Variants in SPIRE2 observed in about 807,000 individuals in gnomAD.
SPIRE2 encodes protein spire homolog 2.
Under a neutral mutation model 80.7 loss-of-function variants are expected in SPIRE2, and 76 were observed. The observed-to-expected ratio is 0.94, with a 90% CI of 0.78 to 1.14. SPIRE2 has a LOEUF of 1.14. Ranked by LOEUF, SPIRE2 falls within the 50% of genes most tolerant of loss-of-function variation. SPIRE2 has a pLI of 0.00. For missense variants in SPIRE2, 1,196 were observed against 1,015.3 expected, an observed-to-expected ratio of 1.18 and a Z score of -2.42; for synonymous variants, 535 against 432.6, an observed-to-expected ratio of 1.24 and a Z score of -2.94.
At chr16:89,839,373 C>CA (rs537824236) in intron 1 of SPIRE2, among the ~76,000 whole-genome samples, 82,390 of 123,310 alleles carry the variant, frequency 0.67, 28,352 homozygotes, top group East Asian at 0.98. Flanking sequence ...GACTCCATCT[C>CA]AAAAAAAAAA....
intron 9 of SPIRE2, among the ~76,000 whole-genome samples, chr16:89,860,421 CCTAA>C (rs1239214106): frequency 2.6e-5 from 4 of 152,026 alleles, no homozygotes; most frequent in African/African-American, 2.4e-5. Flanking sequence ...ACGATGCCTG[CCTAA>C]CTTTTATATT....
chr16:89,854,171 T>C, intron 3 of SPIRE2, 115 bp from the exon 4 acceptor site: 1 of 966,284 alleles, frequency 1.0e-6, no homozygotes, highest in South Asian at 1.6e-5. Flanking sequence ...GCTGTCTCTT[T>C]TCCGGCTGGT....
chr16:89,852,988 G>A (rs562417237), intron 3 of SPIRE2, among the ~76,000 whole-genome samples: 20 of 130,184 alleles, frequency 1.5e-4, no homozygotes, highest in Non-Finnish European at 2.3e-4. Context: ...CCCATGGCCC[G>A]TCTTCCATCC....
At chr16:89,846,051 C>G (rs1486210190) in intron 2 of SPIRE2, 1 of 168,292 alleles carries the variant, frequency 5.9e-6, no homozygotes, top group East Asian at 1.8e-4. Flanking sequence ...TGCCCGCCAC[C>G]ACGCCCGGCT....
At chr16:89,868,528 T>C (rs2041809126) in intron 13 of SPIRE2, among the ~76,000 whole-genome samples, 1 of 152,314 alleles carries the variant, frequency 6.6e-6, no homozygotes, top group African/African-American at 2.4e-5. Context: ...TTGAGGTGTG[T>C]GCTTATGTGC....
At chr16:89,857,463 G>A (rs929137515) in intron 7 of SPIRE2, among the ~76,000 whole-genome samples, 4 of 151,604 alleles carry the variant, frequency 2.6e-5, no homozygotes, top group Non-Finnish European at 5.9e-5. Context: ...CTATTGTCCT[G>A]GTCTTCACCT....
chr16:89,865,907 G>A (rs2041785027), intron 12 of SPIRE2, among the ~76,000 whole-genome samples: 1 of 146,296 alleles, frequency 6.8e-6, no homozygotes, highest in African/African-American at 2.6e-5. Context: ...GGTGGAGGGT[G>A]CAGTGAGCCG....
In SPIRE2 at chr16:89,855,656, C is replaced by CT. The variant is rs771172517; in HGVS notation, c.951dup (p.Ile318TyrfsTer12). ...AGGACGCTCACGAGCTCATCCTGGA[C>CT]TTTATCCGCTCACGGCCTCCACTGA... is the stretch of plus-strand genomic sequence containing the variant. On this transcript the variant is annotated frameshift_variant, in exon 6 of 15. Transcript: ENST00000378247. LOFTEE classifies it high-confidence loss of function. The CT allele has an allele frequency of 1.2e-6, 2 of 1,612,830 alleles. No individual in the cohort carries two copies. The highest frequency in any genetic ancestry group is 8.5e-7 in the Non-Finnish European group (1 of 1,179,930).
At position 89,845,310 on chromosome 16, in the gene SPIRE2, C is replaced by T; in HGVS notation, c.245-12C>T. 6 of 1,606,660 alleles carry T rather than the reference C, an allele frequency of 3.7e-6. No individual in the cohort carries two copies. The highest frequency in any genetic ancestry group is 5.1e-6 in the Non-Finnish European group (6 of 1,172,934). On this transcript the variant is annotated splice_polypyrimidine_tract_variant and intron_variant, in intron 1 of 14. Coordinates refer to ENST00000378247, the MANE Select transcript of SPIRE2 (RefSeq NM_032451.2). Reference sequence around the variant, plus strand: ...ATGCTGACAAATAACTTAACTCCCTCTTCTCTTACAGAACCTGCAACCATG... The same window carrying T: ...ATGCTGACAAATAACTTAACTCCCTTTTCTCTTACAGAACCTGCAACCATG...
intron 3 of SPIRE2, among the ~76,000 whole-genome samples, chr16:89,853,499 C>G (rs1343042605): frequency 6.6e-6 from 1 of 152,186 alleles, no homozygotes; most frequent in Non-Finnish European, 1.5e-5. Flanking sequence ...GTGCCACCCT[C>G]TGTGCCCTTT....
Position 89,855,617 on chromosome 16 carries a change from G to GC in SPIRE2, c.913dup (p.Arg305ProfsTer25). 1.2e-6 allele frequency: 2 copies of GC among 1,612,576 alleles called. No individual in the cohort carries two copies. The highest frequency in any genetic ancestry group is 2.2e-5 in the East Asian group (1 of 44,874). On this transcript the variant is annotated frameshift_variant, in exon 6 of 15. Transcript: ENST00000378247. LOFTEE classifies it high-confidence loss of function. ...CCCCGCAGGTGGATGGGGACATCCCGCCCCGGGTGAAGAAGGACGCTCACG... is the reference window on the plus strand; with the variant it reads ...CCCCGCAGGTGGATGGGGACATCCCGCCCCCGGGTGAAGAAGGACGCTCACG...
chr16:89,841,142 C>A (rs2041502236), intron 1 of SPIRE2, among the ~76,000 whole-genome samples: 1 of 151,496 alleles, frequency 6.6e-6, no homozygotes, highest in African/African-American at 2.4e-5. Context: ...CATGATTACA[C>A]CACTGCACTC....
At chr16:89,839,549 T>C (rs1265847385) in intron 1 of SPIRE2, among the ~76,000 whole-genome samples, 1 of 152,130 alleles carries the variant, frequency 6.6e-6, no homozygotes, top group Non-Finnish European at 1.5e-5. Flanking sequence ...TGCGTCCCCC[T>C]GTCTGCCCTG....
chr16:89,847,950 G>A (rs1052176752), intron 2 of SPIRE2, among the ~76,000 whole-genome samples: 5 of 152,302 alleles, frequency 3.3e-5, no homozygotes, highest in South Asian at 2.1e-4. Context: ...GCTGTGGACC[G>A]TGTGGGGGTT....
rs1322426008 is a variant in SPIRE2 at position 89,859,256 on chromosome 16, C to G, written c.1364C>G (p.Ser455Cys). The G allele has an allele frequency of 6.2e-7, 1 of 1,608,440 alleles. No homozygotes were observed. Among genetic ancestry groups the G allele is most frequent in the Non-Finnish European group, 8.5e-7 (1 of 1,178,728 alleles). Reference sequence around the variant, plus strand: ...GCCCAGCTCCGAAGTGAGGTGGCCTCTGGCCTGCAGTCGGCCACCCACCCC... The same window carrying G: ...GCCCAGCTCCGAAGTGAGGTGGCCTGTGGCCTGCAGTCGGCCACCCACCCC... The part of the protein sequence containing the change: ...DLAQLRSEVA[S>C]GLQSATHPPG... Residue 455 changes from serine to cysteine, a missense_variant, in exon 9 of 15, where the codon TCT becomes TGT. Ser to Cys is a moderately radical substitution (Grantham distance 112). Coordinates refer to ENST00000378247, the MANE Select transcript of SPIRE2 (RefSeq NM_032451.2).
rs777907642 is a variant in SPIRE2 at position 89,856,127 on chromosome 16, G to C, written c.993G>C (p.Arg331=). ...CCCCACCGCAGGTCTCTGAGAGGCGGCTGCGCCCGTTGCCACCAAAGCAAA... is the reference window on the plus strand; with the variant it reads ...CCCCACCGCAGGTCTCTGAGAGGCGCCTGCGCCCGTTGCCACCAAAGCAAA... ...RPPLKQVSER[R]LRPLPPKQRS... The change falls in exon 7 of 15, where the codon CGG becomes CGC. Residue 331 remains arginine (R), a synonymous_variant. Coordinates refer to ENST00000378247, the MANE Select transcript of SPIRE2 (RefSeq NM_032451.2). 6.8e-6 allele frequency: 11 copies of C among 1,611,728 alleles called. No individual in the cohort carries two copies. In the South Asian group the frequency reaches 1.2e-4, roughly 18 times the overall value.
rs1045030504 is a variant in SPIRE2, at chr16:89,860,794, T to C, written c.1574T>C (p.Leu525Pro). 6.7e-7 allele frequency: 1 copy of C among 1,498,942 alleles called. No individual in the cohort carries two copies. The highest frequency in any genetic ancestry group is 8.9e-7 in the Non-Finnish European group (1 of 1,122,980). The allele number at this position is 1,498,942 out of a possible 1,614,324, so 92.9% of individuals were successfully genotyped here. Residue 525 changes from leucine to proline, a missense_variant and splice_region_variant, in exon 10 of 15, where the codon CTG becomes CCG. Transcript: ENST00000378247. ...SMTPDAKHLW[L>P]EFSHPVESLA... ...ACCCCCGATGCCAAACACCTGTGGC[T>C]GGTGAGTGAGGGTGCGATTGTCGTC...
At chr16:89,860,444 G>C (rs2041732591) in intron 9 of SPIRE2, among the ~76,000 whole-genome samples, 2 of 151,988 alleles carry the variant, frequency 1.3e-5, no homozygotes. Flanking sequence ...TTTTTCTATA[G>C]AGCTGAGGGT....
In SPIRE2 at chr16:89,850,277, C is replaced by A. The variant is rs760194994; in HGVS notation, c.289-27C>A. 3.1e-6 allele frequency: 5 copies of A among 1,593,080 alleles called. No individual in the cohort carries two copies. The South Asian group carries it at 5.6e-5, about 18-fold the overall frequency. On this transcript the variant is annotated intron_variant, in intron 2 of 14. Coordinates refer to ENST00000378247, the MANE Select transcript of SPIRE2 (RefSeq NM_032451.2). Reference sequence around the variant, plus strand: ...CCCGCCCCACCCCCCTGCAGTACCGCCCAGTGACCGCGCCCCTGTCCCGCA... The same window carrying A: ...CCCGCCCCACCCCCCTGCAGTACCGACCAGTGACCGCGCCCCTGTCCCGCA...
Sources: gnomAD v4.1 joint callset for allele counts (sites outside exome capture counted in the v4.1 genomes callset) on GRCh38, gnomAD v4.1.1 for gene constraint, MANE v1.5 for transcripts, NCBI Gene and HGNC (gene_info 2026-07-23, HGNC 2026-07-21) for gene names.